The following RELN variants were observed in gnomAD, a reference collection of about 807,000 sequenced individuals.
RELN encodes the protein reelin.
Under a neutral mutation model 427.6 loss-of-function variants are expected in RELN, and 108 were observed. The observed-to-expected ratio is 0.25, with a 90% CI of 0.22 to 0.30. The LOEUF is 0.30. RELN is among the 10% of genes least tolerant of loss of function. RELN has a pLI of 1.00. For missense variants in RELN, 3,715 were observed against 4,302.8 expected, an observed-to-expected ratio of 0.86 and a Z score of 3.82; for synonymous variants, 1,524 against 1,513.4, an observed-to-expected ratio of 1.01 and a Z score of -0.16.
intron 44 of RELN, among the ~76,000 whole-genome samples, chr7:103,539,672 T>C (rs1330669315): frequency 1.3e-5 from 2 of 152,248 alleles, no homozygotes; most frequent in African/African-American, 2.4e-5. Context: ...AGGACAGTTG[T>C]ACCCTAAGGC....
At chr7:103,577,702 T>C (rs1831035962) in intron 28 of RELN, among the ~76,000 whole-genome samples, 1 of 152,204 alleles carries the variant, frequency 6.6e-6, no homozygotes, top group Admixed American at 6.5e-5. Flanking sequence ...CCAGCATTTG[T>C]CAACTACTCT....
chr7:103,497,681 A>T, intron 55 of RELN, 139 bp downstream of exon 55: 1 of 750,422 alleles, frequency 1.3e-6, no homozygotes, highest in Non-Finnish European at 2.3e-6. Flanking sequence ...TGTAATACAA[A>T]CAAAATCTGT....
At chr7:103,916,666 A>C (rs1377620959) in intron 2 of RELN, among the ~76,000 whole-genome samples, 2 of 152,186 alleles carry the variant, frequency 1.3e-5, no homozygotes, top group African/African-American at 4.8e-5. Context: ...TGCTTTATAC[A>C]ATGTTCAGTT....
At chr7:103,514,852 T>C (rs1401690210) in intron 50 of RELN, among the ~76,000 whole-genome samples, 1 of 152,134 alleles carries the variant, frequency 6.6e-6, no homozygotes, top group Non-Finnish European at 1.5e-5. Flanking sequence ...GGAAATGTCA[T>C]TTGTTGGGCA....
At position 103,472,769 on chromosome 7, in the gene RELN, A is replaced by G; in HGVS notation, c.*43T>C. The G allele has an allele frequency of 7.1e-7, 1 of 1,405,192 alleles. No individual in the cohort carries two copies. The highest frequency in any genetic ancestry group is 1.0e-6 in the Non-Finnish European group (1 of 990,196). The allele number at this position is 1,405,192 out of a possible 1,614,324, so 87.0% of individuals were successfully genotyped here. A position where few individuals can be genotyped will look rare whatever the true frequency, so the allele number is the denominator to read the frequency against. Reference sequence around the variant, plus strand: ...GCGAGATTTAAAAGAATGGAGAGCAACACATCACATGTTGGAAGAAAAAAA... The same window carrying G: ...GCGAGATTTAAAAGAATGGAGAGCAGCACATCACATGTTGGAAGAAAAAAA... On this transcript the variant is annotated 3_prime_UTR_variant, in exon 65 of 65. Transcript: ENST00000428762.
intron 8 of RELN, among the ~76,000 whole-genome samples, chr7:103,703,755 T>G (rs550667649): frequency 6.6e-6 from 1 of 152,294 alleles, no homozygotes; most frequent in African/African-American, 2.4e-5. Flanking sequence ...GGCAGCAATT[T>G]TTTAAGGATT....
intron 51 of RELN, among the ~76,000 whole-genome samples, chr7:103,509,566 A>G (rs896202398): frequency 1.3e-5 from 2 of 152,222 alleles, no homozygotes; most frequent in Admixed American, 6.5e-5. Context: ...AAGAAAACTC[A>G]GGCAATACCA....
chr7:103,716,053 T>G (rs1301576366), intron 8 of RELN, among the ~76,000 whole-genome samples: 1 of 152,200 alleles, frequency 6.6e-6, no homozygotes, highest in Non-Finnish European at 1.5e-5. Flanking sequence ...TGTTGCTGTC[T>G]GGCTCTGACC....
chr7:103,799,441 C>G (rs1027228634), intron 3 of RELN, among the ~76,000 whole-genome samples: 3 of 152,142 alleles, frequency 2.0e-5, no homozygotes, highest in Non-Finnish European at 4.4e-5. Flanking sequence ...TATCAGTATT[C>G]TTCTGTCACC....
chr7:103,901,104 G>A (rs1211748565), intron 2 of RELN, among the ~76,000 whole-genome samples: 1 of 151,928 alleles, frequency 6.6e-6, no homozygotes, highest in African/African-American at 2.4e-5. Context: ...AGACTTGAAT[G>A]GACATCTCTC....
chr7:103,752,672 C>T (rs1334243111), intron 5 of RELN, among the ~76,000 whole-genome samples: 5 of 152,128 alleles, frequency 3.3e-5, no homozygotes, highest in African/African-American at 1.2e-4. Context: ...ACCTCAGCCT[C>T]CTAAACTGTT....
intron 10 of RELN, among the ~76,000 whole-genome samples, chr7:103,695,006 A>C (rs191320661): frequency 1.3e-5 from 2 of 152,094 alleles, no homozygotes; most frequent in East Asian, 3.9e-4. Flanking sequence ...AAAAAATACA[A>C]CTCCAAAAAC....
At chr7:103,605,786 G>T (rs1325712372) in intron 22 of RELN, among the ~76,000 whole-genome samples, 1 of 152,128 alleles carries the variant, frequency 6.6e-6, no homozygotes, top group Non-Finnish European at 1.5e-5. Context: ...GTACATAACA[G>T]ACTGTTAAAA....
chr7:103,717,131 A>G (rs1171658614), intron 8 of RELN, among the ~76,000 whole-genome samples: 1 of 152,116 alleles, frequency 6.6e-6, no homozygotes. Context: ...ATATTTAATT[A>G]TCAGTTCTAA....
intron 1 of RELN, among the ~76,000 whole-genome samples, chr7:103,960,318 T>C (rs749284053): frequency 8.5e-5 from 13 of 152,178 alleles, no homozygotes; most frequent in Non-Finnish European, 1.6e-4. Flanking sequence ...TGGTTGCTTC[T>C]GGCTGGAAAA....
intron 12 of RELN, 125 bp downstream of exon 12, chr7:103,661,251 G>A (rs1274140551): frequency 2.8e-6 from 3 of 1,062,632 alleles, no homozygotes; most frequent in African/African-American, 1.6e-5. Context: ...TGCTCTGTCT[G>A]GAGAGCTCAC....
intron 4 of RELN, among the ~76,000 whole-genome samples, chr7:103,766,629 C>A (rs925051386): frequency 6.6e-6 from 1 of 152,222 alleles, no homozygotes. Context: ...TTCTGCCCCT[C>A]TCCATCTCAC....
intron 1 of RELN, among the ~76,000 whole-genome samples, chr7:103,982,342 T>G (rs751497866): frequency 2.0e-5 from 3 of 152,098 alleles, no homozygotes; most frequent in Non-Finnish European, 2.9e-5. Flanking sequence ...AATTCAGCGA[T>G]ATGAAGAAAT....
rs528270398 is a variant in RELN at position 103,682,029 on chromosome 7, C to T, written c.1289+87G>A. 160 of 1,275,832 alleles carry T rather than the reference C, an allele frequency of 1.3e-4. No individual in the cohort carries two copies. The East Asian group carries it at 2.9e-3, about 23-fold the overall frequency. 79.0% of individuals were successfully genotyped at this position (1,275,832 alleles called of 1,614,324 possible). A position where few individuals can be genotyped will look rare whatever the true frequency, so the allele number is the denominator to read the frequency against. ...ATCAGTATTGATCTAAGTATGCTTTCGCCATTTAACAATATGCATTTAAAA... is the reference window on the plus strand; with the variant it reads ...ATCAGTATTGATCTAAGTATGCTTTTGCCATTTAACAATATGCATTTAAAA... On this transcript the variant is annotated intron_variant, in intron 11 of 64. Coordinates refer to ENST00000428762, the MANE Select transcript of RELN (RefSeq NM_005045.4).
Sources: gnomAD v4.1 joint callset for allele counts (sites outside exome capture counted in the v4.1 genomes callset) on GRCh38, gnomAD v4.1.1 for gene constraint, MANE v1.5 for transcripts, NCBI Gene and HGNC (gene_info 2026-07-23, HGNC 2026-07-21) for gene names.